Variants in MAGI2 observed in about 807,000 individuals in gnomAD.
MAGI2 encodes the protein membrane associated guanylate kinase, WW and PDZ domain containing 2.
MAGI2 carries 35 observed loss-of-function variants against 133.3 expected under a neutral mutation model. The observed-to-expected ratio is 0.26, with a 90% CI of 0.20 to 0.35. The LOEUF (loss-of-function observed/expected upper bound fraction) is 0.35. MAGI2 is among the 10% of genes least tolerant of loss of function. The pLI is 1.00. For synonymous variants in MAGI2, 729 were observed against 710.6 expected, an observed-to-expected ratio of 1.03 and a Z score of -0.41; for missense variants, 1,636 against 1,863.4, an observed-to-expected ratio of 0.88 and a Z score of 2.25.
At chr7:78,378,992 A>C (rs1398584865) in intron 6 of MAGI2, among the ~76,000 whole-genome samples, 1 of 152,058 alleles carries the variant, frequency 6.6e-6, no homozygotes, top group African/African-American at 2.4e-5. Context: ...TTGACAATTG[A>C]ATAAGGGCCT....
At chr7:79,344,858 AGGGGAGTCAGTT>A (rs1841190969) in intron 1 of MAGI2, among the ~76,000 whole-genome samples, 1 of 152,060 alleles carries the variant, frequency 6.6e-6, no homozygotes, top group African/African-American at 2.4e-5. Flanking sequence ...AGTTGATATT[AGGGGAGTCAGTT>A]AAGAGGTGAT....
At chr7:78,161,270 G>GT (rs1230211498) in intron 15 of MAGI2, among the ~76,000 whole-genome samples, 2 of 152,168 alleles carry the variant, frequency 1.3e-5, no homozygotes, top group East Asian at 3.8e-4. Context: ...TGAAATGAAA[G>GT]TTTATCTGTC....
At chr7:79,228,037 A>G (rs1333854908) in intron 1 of MAGI2, among the ~76,000 whole-genome samples, 1 of 152,122 alleles carries the variant, frequency 6.6e-6, no homozygotes, top group Non-Finnish European at 1.5e-5. Flanking sequence ...TATTTTAAAA[A>G]ACAAAAGAAA....
chr7:78,201,974 A>G (rs889147544), intron 10 of MAGI2, among the ~76,000 whole-genome samples: 2 of 152,224 alleles, frequency 1.3e-5, no homozygotes, highest in Non-Finnish European at 2.9e-5. Flanking sequence ...AGCATATGAA[A>G]TCAATTTTTT....
Position 78,019,859 on chromosome 7 carries a change from T to G in MAGI2, c.3824A>C (p.Asp1275Ala), listed in dbSNP as rs765747187. ...GCCTGGGCTTATCTGGTGGGAAGGG[T>G]CGGAGGGTGGGGCTGGATGTGATGG... ...FSPSHPAPPSDPSHQISPGPT... is the reference protein window; with the variant it reads ...FSPSHPAPPSAPSHQISPGPT... Residue 1275 changes from aspartate (D) to alanine (A), a missense_variant, in exon 22 of 22, where the codon GAC becomes GCC. Coordinates refer to ENST00000354212, the MANE Select transcript of MAGI2 (RefSeq NM_012301.4). 1.2e-6 allele frequency: 2 copies of G among 1,613,258 alleles called. No individual in the cohort carries two copies. The highest frequency in any genetic ancestry group is 1.7e-6 in the Non-Finnish European group (2 of 1,179,786).
chr7:79,219,126 A>G (rs980459496), intron 1 of MAGI2, among the ~76,000 whole-genome samples: 8 of 152,086 alleles, frequency 5.3e-5, no homozygotes, highest in Admixed American at 2.6e-4. Flanking sequence ...AGTTATTTCT[A>G]CAATATTTAG....
intron 2 of MAGI2, among the ~76,000 whole-genome samples, chr7:78,840,540 A>G (rs923815528): frequency 1.3e-5 from 2 of 152,014 alleles, no homozygotes; most frequent in Non-Finnish European, 2.9e-5. Context: ...TGGAGTCCAG[A>G]GTATGATTCA....
intron 1 of MAGI2, among the ~76,000 whole-genome samples, chr7:79,078,167 G>A (rs1304288562): frequency 6.6e-6 from 1 of 152,142 alleles, no homozygotes; most frequent in Non-Finnish European, 1.5e-5. Flanking sequence ...AAAGCAATCA[G>A]CCTTTCATGT....
chr7:78,592,653 C>G (rs1000011058), intron 3 of MAGI2, among the ~76,000 whole-genome samples: 1 of 151,970 alleles, frequency 6.6e-6, no homozygotes, highest in Non-Finnish European at 1.5e-5. Context: ...AATGATATTA[C>G]AGCACTCTAT....
chr7:78,967,544 C>T (rs1325675978), intron 2 of MAGI2, among the ~76,000 whole-genome samples: 1 of 151,604 alleles, frequency 6.6e-6, no homozygotes, highest in Non-Finnish European at 1.5e-5. Flanking sequence ...AAGTTTTTTC[C>T]TTATGTTTTC....
intron 1 of MAGI2, among the ~76,000 whole-genome samples, chr7:79,181,629 A>G (rs1826631533): frequency 6.6e-6 from 1 of 151,972 alleles, no homozygotes; most frequent in Non-Finnish European, 1.5e-5. Context: ...TGTCTTAGTG[A>G]TTAACATTCA....
chr7:78,940,875 T>G (rs900313094), intron 2 of MAGI2: 1 of 152,182 alleles, frequency 6.6e-6, no homozygotes, highest in Non-Finnish European at 1.5e-5. Flanking sequence ...GCTGTGACTT[T>G]TAGGCCTCTT....
intron 2 of MAGI2, among the ~76,000 whole-genome samples, chr7:78,885,895 T>C (rs967232046): frequency 1.3e-5 from 2 of 152,126 alleles, no homozygotes; most frequent in Admixed American, 6.5e-5. Context: ...TTCAGCTCTT[T>C]GGCATCATGG....
chr7:78,811,609 G>T (rs1003302110), intron 2 of MAGI2, among the ~76,000 whole-genome samples: 1 of 152,040 alleles, frequency 6.6e-6, no homozygotes, highest in African/African-American at 2.4e-5. Context: ...CGCACATAAG[G>T]TGTTTTCATT....
intron 3 of MAGI2, among the ~76,000 whole-genome samples, chr7:78,573,365 A>AAAAAATATATATATATATAT (rs1320390413): frequency 3.4e-5 from 1 of 29,048 alleles, no homozygotes; most frequent in African/African-American, 1.8e-4. Context: ...GAATCCTGGA[A>AAAAAATATATATATATATAT]ATATATATAT....
At chr7:79,077,567 T>G (rs1447755998) in intron 1 of MAGI2, among the ~76,000 whole-genome samples, 5 of 85,506 alleles carry the variant, frequency 5.8e-5, no homozygotes, top group African/African-American at 2.8e-4. Flanking sequence ...AGAGCGAGAC[T>G]GCCTCTCAAA....
At chr7:78,217,144 G>A (rs1304164785) in intron 10 of MAGI2, among the ~76,000 whole-genome samples, 2 of 152,178 alleles carry the variant, frequency 1.3e-5, no homozygotes, top group African/African-American at 4.8e-5. Flanking sequence ...TGTCAAATAA[G>A]TTCACATTCT....
At chr7:78,712,613 C>T (rs1306680184) in intron 2 of MAGI2, among the ~76,000 whole-genome samples, 1 of 152,038 alleles carries the variant, frequency 6.6e-6, no homozygotes. Flanking sequence ...AGAGTTTCAT[C>T]AAAATATACA....
Position 78,369,025 on chromosome 7 carries a change from C to T in MAGI2, c.1103+131G>A, listed in dbSNP as rs1793664032. On this transcript the variant is annotated intron_variant, in intron 7 of 21. Transcript: ENST00000354212. ...GAAACAGCTAGCTAGTGCTGCTAGT[C>T]TTGGTGGATACTTCAAAGTAAGATG... The T allele has an allele frequency of 5.1e-6, 3 of 586,354 alleles. No homozygotes were observed. The Admixed American group carries it at 1.0e-4, about 20-fold the overall frequency. 36.3% of individuals were successfully genotyped at this position (586,354 alleles called of 1,614,324 possible).
Sources: allele counts gnomAD v4.1 joint callset (sites outside exome capture counted in the v4.1 genomes callset), GRCh38; gene constraint gnomAD v4.1.1; transcripts MANE v1.5; gene names NCBI Gene and HGNC (gene_info 2026-07-23, HGNC 2026-07-21).